EPB41L2: variants seen among roughly 807,000 people sequenced by gnomAD.
The protein encoded by EPB41L2 is erythrocyte membrane protein band 4.1 like 2, also known as band 4.1-like protein 2.
EPB41L2 carries 43 observed loss-of-function variants against 113.0 expected under a neutral mutation model. The observed-to-expected ratio is 0.38, with a 90% CI of 0.30 to 0.49. The LOEUF (loss-of-function observed/expected upper bound fraction) is 0.49. Ranked by LOEUF, EPB41L2 falls within the 20% of genes least tolerant of loss-of-function variation. The pLI is 0.95. For synonymous variants in EPB41L2, 442 were observed against 436.7 expected (o/e 1.01, Z -0.15); for missense variants, 1,147 against 1,223.4 (o/e 0.94, Z 0.93).
Position 131,026,977 on chromosome 6 carries a change from T to C in EPB41L2, c.-15+36178A>G, listed in dbSNP as rs142729029. 2.8e-4 allele frequency among the ~76,000 whole-genome samples: 43 copies of C among 152,344 alleles called. 1 individual carries two copies. Among genetic ancestry groups the C allele is most frequent in the African/African-American group, 9.6e-4 (40 of 41,580 alleles). ...ATGCATGTAATACATGTTACTGGTC[T>C]AAAACTTACTCTGTCATTGTTTTAT... On this transcript the variant is annotated intron_variant, in intron 1 of 19. Coordinates refer to ENST00000337057, the MANE Select transcript of EPB41L2 (RefSeq NM_001431.4).
intron 19 of EPB41L2, among the ~76,000 whole-genome samples, chr6:130,844,929 G>C (rs1486180083): frequency 6.6e-6 from 1 of 152,168 alleles, no homozygotes; most frequent in Non-Finnish European, 1.5e-5. Flanking sequence ...TGTAATCCCA[G>C]CTACTGGGGG....
chr6:131,008,570 G>T (rs1786159335), intron 1 of EPB41L2, among the ~76,000 whole-genome samples: 1 of 152,206 alleles, frequency 6.6e-6, no homozygotes, highest in South Asian at 2.1e-4. Flanking sequence ...CAGAACGGTA[G>T]ATTCACCAAC....
chr6:130,912,175 G>A (rs945262917), intron 4 of EPB41L2, among the ~76,000 whole-genome samples: 54 of 152,118 alleles, frequency 3.5e-4, no homozygotes, highest in African/African-American at 9.9e-4. Flanking sequence ...CCCCCACCCC[G>A]GTATGTGGAA....
rs372669054 is a variant in EPB41L2, at chr6:130,997,245, T to A, written c.-14-40746A>T. On this transcript the variant is annotated intron_variant, in intron 1 of 19. Coordinates refer to ENST00000337057, the MANE Select transcript of EPB41L2 (RefSeq NM_001431.4). ...AGGAGATTTTTCCCTCAGTTCTTCA[T>A]ACAAGGATTAAAGCCACTTAGCAAA... Among the ~76,000 whole-genome samples, 22 of 152,334 alleles carry A rather than the reference T, an allele frequency of 1.4e-4. No homozygotes were observed. In the South Asian group the frequency reaches 2.5e-3, roughly 17 times the overall value.
At chr6:130,983,968 G>A (rs888379384) in intron 1 of EPB41L2, among the ~76,000 whole-genome samples, 1 of 151,968 alleles carries the variant, frequency 6.6e-6, no homozygotes, top group African/African-American at 2.4e-5. Context: ...GTAACACTTA[G>A]CTTAAAATGC....
chr6:131,048,739 C>T (rs1795971322), intron 1 of EPB41L2, among the ~76,000 whole-genome samples: 1 of 152,166 alleles, frequency 6.6e-6, no homozygotes. Flanking sequence ...TTCTCTACTT[C>T]TGAATATATT....
intron 1 of EPB41L2, among the ~76,000 whole-genome samples, chr6:131,001,473 C>G (rs763701302): frequency 6.6e-6 from 1 of 152,024 alleles, no homozygotes; most frequent in Non-Finnish European, 1.5e-5. Flanking sequence ...CAGAGTGCTG[C>G]CAGAAAAAAA....
At chr6:131,055,792 G>A (rs1359009612) in intron 1 of EPB41L2, among the ~76,000 whole-genome samples, 3 of 152,168 alleles carry the variant, frequency 2.0e-5, no homozygotes, top group African/African-American at 7.2e-5. Context: ...ATTAACATAT[G>A]TAAAGTACCA....
chr6:130,999,962 G>A (rs770839813), intron 1 of EPB41L2, among the ~76,000 whole-genome samples: 1 of 152,158 alleles, frequency 6.6e-6, no homozygotes, highest in Non-Finnish European at 1.5e-5. Flanking sequence ...ACCAGGCAAT[G>A]AGCTGAAATT....
At chr6:130,894,919 C>A in intron 9 of EPB41L2, 48 bp downstream of exon 9, 2 of 1,550,566 alleles carry the variant, frequency 1.3e-6, no homozygotes, top group South Asian at 1.3e-5. Flanking sequence ...AATTCATGGT[C>A]GTAAACAGGC....
chr6:131,033,957 A>G (rs565326537), intron 1 of EPB41L2, among the ~76,000 whole-genome samples: 7 of 152,352 alleles, frequency 4.6e-5, no homozygotes, highest in Non-Finnish European at 1.0e-4. Context: ...ATTTTTGTAT[A>G]GTTTTTAATA....
intron 1 of EPB41L2, among the ~76,000 whole-genome samples, chr6:131,027,051 T>A (rs1050481523): frequency 2.0e-5 from 3 of 152,228 alleles, no homozygotes; most frequent in Non-Finnish European, 2.9e-5. Flanking sequence ...AGTACAAGAA[T>A]GCTTATGACT....
intron 13 of EPB41L2, 135 bp from the exon 14 acceptor site, chr6:130,878,385 C>T (rs1788234013): frequency 3.0e-6 from 3 of 1,013,830 alleles, no homozygotes; most frequent in Non-Finnish European, 4.2e-6. Flanking sequence ...AGAAAAATGC[C>T]AAGTCTCTAA....
At chr6:131,027,842 A>C (rs1791222197) in intron 1 of EPB41L2, among the ~76,000 whole-genome samples, 1 of 152,228 alleles carries the variant, frequency 6.6e-6, no homozygotes, top group Admixed American at 6.5e-5. Context: ...AACTGCAAGG[A>C]CTTGAACTAT....
At chr6:130,890,260 G>T in intron 11 of EPB41L2, 34 bp downstream of exon 11, 1 of 1,582,726 alleles carries the variant, frequency 6.3e-7, no homozygotes, top group Non-Finnish European at 8.6e-7. Context: ...AGAGAAAGAT[G>T]AATGAAAATC....
At chr6:130,978,464 T>C (rs1778654002) in intron 1 of EPB41L2, 1 of 152,232 alleles carries the variant, frequency 6.6e-6, no homozygotes, top group Admixed American at 6.5e-5. Flanking sequence ...ACTACAGCTC[T>C]GTCGCTTCAC....
At chr6:130,878,309 A>G in intron 13 of EPB41L2, 59 bp from the exon 14 acceptor site, 1 of 1,531,368 alleles carries the variant, frequency 6.5e-7, no homozygotes, top group Non-Finnish European at 8.7e-7. Context: ...ACCCAGTAGG[A>G]CAAAAATAAA....
At chr6:131,039,952 G>A (rs1189742568) in intron 1 of EPB41L2, among the ~76,000 whole-genome samples, 1 of 152,000 alleles carries the variant, frequency 6.6e-6, no homozygotes, top group East Asian at 1.9e-4. Context: ...GTATTTCACA[G>A]TAATCAAATA....
intron 5 of EPB41L2, among the ~76,000 whole-genome samples, chr6:130,908,549 T>A (rs1454361880): frequency 6.6e-6 from 1 of 152,186 alleles, no homozygotes; most frequent in Non-Finnish European, 1.5e-5. Context: ...AAAAGTAGTT[T>A]CTCTTTCTTT....
Sources: gnomAD v4.1 joint callset for allele counts (sites outside exome capture counted in the v4.1 genomes callset) on GRCh38, gnomAD v4.1.1 for gene constraint, MANE v1.5 for transcripts, NCBI Gene and HGNC (gene_info 2026-07-23, HGNC 2026-07-21) for gene names.